CADPS: variants seen among roughly 807,000 people sequenced by gnomAD.
CADPS encodes the protein calcium dependent secretion activator, also known as calcium-dependent secretion activator 1.
In CADPS, 57 loss-of-function variants were observed where a neutral mutation model predicts 167.3. The ratio of observed to expected loss-of-function variants is 0.34; its 90% CI spans 0.28 to 0.42. The LOEUF (loss-of-function observed/expected upper bound fraction) is 0.42. CADPS is among the 20% of genes least tolerant of loss of function. The probability of loss-of-function intolerance (pLI) is 1.00; values close to 1 mark genes in which losing one functional copy is unlikely to be tolerated. For synonymous variants in CADPS, 676 were observed against 635.3 expected (o/e 1.06, Z -0.96); for missense variants, 1,414 against 1,738.1 (o/e 0.81, Z 3.32).
intron 6 of CADPS, among the ~76,000 whole-genome samples, chr3:62,609,803 A>G (rs921849231): frequency 2.0e-5 from 3 of 152,164 alleles, no homozygotes; most frequent in African/African-American, 7.2e-5. Context: ...AAACCCAAGT[A>G]GAGGGGCTGG....
intron 6 of CADPS, among the ~76,000 whole-genome samples, chr3:62,625,074 G>A (rs2600847): frequency 0.93 from 140,577 of 150,488 alleles, 66,348 homozygotes; most frequent in East Asian, 1. Context: ...TTGGAGGTGT[G>A]GGTAAGGCAC....
intron 1 of CADPS, among the ~76,000 whole-genome samples, chr3:62,778,419 T>C (rs557073949): frequency 1.4e-3 from 218 of 152,350 alleles, no homozygotes; most frequent in African/African-American, 5.0e-3. Context: ...CCTTTCTGCA[T>C]TTTCCCTTCA....
intron 21 of CADPS, among the ~76,000 whole-genome samples, chr3:62,483,711 A>T (rs2150901519): frequency 6.6e-6 from 1 of 152,276 alleles, no homozygotes; most frequent in Non-Finnish European, 1.5e-5. Flanking sequence ...TTTTCCTTTT[A>T]TGTGTCTCTG....
chr3:62,708,757 C>A (rs1428248680), intron 3 of CADPS, among the ~76,000 whole-genome samples: 1 of 152,066 alleles, frequency 6.6e-6, no homozygotes, highest in African/African-American at 2.4e-5. Flanking sequence ...ATTGCCTCCA[C>A]TGTGGGATCA....
At chr3:62,768,921 G>C (rs1307363795) in intron 1 of CADPS, among the ~76,000 whole-genome samples, 5 of 152,120 alleles carry the variant, frequency 3.3e-5, no homozygotes, top group African/African-American at 1.2e-4. Context: ...AGGAGAGTTG[G>C]GGGCATGGAC....
At chr3:62,436,792 G>C (rs1245855021) in intron 28 of CADPS, among the ~76,000 whole-genome samples, 2 of 151,930 alleles carry the variant, frequency 1.3e-5, no homozygotes, top group Admixed American at 6.6e-5. Flanking sequence ...AAAGTAAGAA[G>C]GGTTTTGTCG....
chr3:62,795,396 T>G (rs762691220), intron 1 of CADPS, among the ~76,000 whole-genome samples: 35 of 152,226 alleles, frequency 2.3e-4, no homozygotes, highest in Admixed American at 5.9e-4. Flanking sequence ...CTCCATGAGG[T>G]AGGGCCCTTG....
intron 28 of CADPS, among the ~76,000 whole-genome samples, chr3:62,432,416 C>A (rs2054172509): frequency 6.6e-6 from 1 of 152,160 alleles, no homozygotes; most frequent in Non-Finnish European, 1.5e-5. Flanking sequence ...ACTATTTTGC[C>A]TGTTTCAGGA....
intron 1 of CADPS, among the ~76,000 whole-genome samples, chr3:62,791,065 A>C (rs1202389673): frequency 1.3e-5 from 2 of 152,106 alleles, no homozygotes; most frequent in African/African-American, 4.8e-5. Context: ...CAAATGTTCA[A>C]GTGACTTACA....
intron 12 of CADPS, among the ~76,000 whole-genome samples, chr3:62,535,708 G>T (rs1221388694): frequency 1.3e-5 from 2 of 151,924 alleles, no homozygotes; most frequent in African/African-American, 4.8e-5. Flanking sequence ...GAAGTAAATT[G>T]GGTCTTTTTT....
At chr3:62,480,012 A>ATT (rs1674195139) in intron 22 of CADPS, among the ~76,000 whole-genome samples, 1 of 152,034 alleles carries the variant, frequency 6.6e-6, no homozygotes, top group Non-Finnish European at 1.5e-5. Context: ...TTACAACAAC[A>ATT]TTTTGACACC....
chr3:62,721,139 A>T (rs1438314732), intron 3 of CADPS, among the ~76,000 whole-genome samples: 2 of 112,972 alleles, frequency 1.8e-5, no homozygotes, highest in Middle Eastern at 4.4e-3. Context: ...TTTTTTAAAA[A>T]AAAAAAGAAG....
Position 62,518,141 on chromosome 3 carries a change from A to G in CADPS, c.2393+8T>C. On this transcript the variant is annotated splice_region_variant and intron_variant, in intron 14 of 29. Coordinates refer to ENST00000383710, the MANE Select transcript of CADPS (RefSeq NM_003716.4). ...CCTAATTAAAGCTCTCCAGCCCCAG[A>G]TCCTTACCTAAAATGTGTAATCTGA... 6.3e-7 allele frequency: 1 copy of G among 1,598,968 alleles called. No homozygotes were observed. The highest frequency in any genetic ancestry group is 8.6e-7 in the Non-Finnish European group (1 of 1,167,476).
In CADPS at chr3:62,399,989, T is replaced by C. The variant is rs542904836; in HGVS notation, c.3883-404A>G. Among the ~76,000 whole-genome samples the C allele has an allele frequency of 2.5e-4, 38 of 152,368 alleles. No homozygotes were observed. The highest frequency in any genetic ancestry group is 2.3e-3 in the Admixed American group (35 of 15,310). The stretch of plus-strand genomic sequence containing the variant: ...AATGGATTGAGTGATTATGGTATTT[T>C]GTGATTTCTGTTGCAGTCTTGTTTT... On this transcript the variant is annotated intron_variant, in intron 29 of 29. Transcript: ENST00000383710. This position sits in a 1 kb window ranked among gnomAD's most constrained non-coding sequence, Gnocchi z 5.6.
intron 6 of CADPS, among the ~76,000 whole-genome samples, chr3:62,628,813 A>G (rs934308051): frequency 6.6e-6 from 1 of 151,912 alleles, no homozygotes; most frequent in African/African-American, 2.4e-5. Flanking sequence ...TTTTAGTAGA[A>G]ATGGGGTTTC....
rs1189538674 is a variant in CADPS at position 62,642,262 on chromosome 3, A to G, written c.1325+3460T>C. On this transcript the variant is annotated intron_variant, in intron 6 of 29. Transcript: ENST00000383710. ...GCTTGAATGGAGTTTTGGTTTTAGA[A>G]TATATAAATAAAGCATGGGCACCAG... is the stretch of plus-strand genomic sequence containing the variant. 2.0e-5 allele frequency among the ~76,000 whole-genome samples: 3 copies of G among 152,192 alleles called. No individual in the cohort carries two copies. The East Asian group carries it at 5.8e-4, about 29-fold the overall frequency.
intron 23 of CADPS, among the ~76,000 whole-genome samples, chr3:62,477,143 C>T (rs9874646): frequency 0.72 from 110,166 of 152,022 alleles, 40,352 homozygotes; most frequent in African/African-American, 0.85. Context: ...TCTTTTGCTT[C>T]TTTGCTTTCC....
chr3:62,467,295 T>TACCC, intron 24 of CADPS: 1 of 1,257,060 alleles, frequency 8.0e-7, no homozygotes, highest in African/African-American at 1.6e-5. Flanking sequence ...AAAATGCACT[T>TACCC]ACCCACATTT....
chr3:62,665,213 T>C (rs2074196488), intron 3 of CADPS, among the ~76,000 whole-genome samples: 1 of 152,224 alleles, frequency 6.6e-6, no homozygotes, highest in African/African-American at 2.4e-5. Flanking sequence ...ATGATTCCTC[T>C]TGAAAATTTG....
Sources: gnomAD v4.1 joint callset for allele counts (sites outside exome capture counted in the v4.1 genomes callset) on GRCh38, gnomAD v4.1.1 for gene constraint, Gnocchi (gnomAD v3.1) non-coding constraint, MANE v1.5 for transcripts, NCBI Gene and HGNC (gene_info 2026-07-23, HGNC 2026-07-21) for gene names.